HDAC9: variants seen among roughly 807,000 people sequenced by gnomAD.
HDAC9 encodes the protein histone deacetylase 9, also known as MEF-2 interacting transcription repressor (MITR) protein.
Under a neutral mutation model 139.4 loss-of-function variants are expected in HDAC9, and 41 were observed. That is an observed-to-expected ratio of 0.29 (90% CI 0.23 to 0.38). The LOEUF (loss-of-function observed/expected upper bound fraction) is 0.38, where lower values mean the gene tolerates loss of function less well. Among genes scored for constraint, HDAC9 ranks in the 10% least tolerant of loss-of-function variants. The pLI is 1.00. For synonymous variants in HDAC9, 517 were observed against 476.2 expected (o/e 1.09, Z -1.12); for missense variants, 1,147 against 1,297.0 (o/e 0.88, Z 1.78).
rs911315346 is a variant in HDAC9 at position 18,578,975 on chromosome 7, T to C, written c.23-6306T>C. The stretch of plus-strand genomic sequence containing the variant: ...TATTGCTATAGGAAGTTATTCCTTA[T>C]TGATTTTGATTTGCTGAAAAAGTAC... On this transcript the variant is annotated intron_variant, in intron 2 of 25. Transcript: ENST00000686413. 1.2e-4 allele frequency among the ~76,000 whole-genome samples: 19 copies of C among 152,208 alleles called. 1 individual carries two copies. The highest frequency in any genetic ancestry group is 4.6e-4 in the African/African-American group (19 of 41,440).
chr7:18,184,849 A>T lies in HDAC9; in HGVS notation c.25+22500A>T, dbSNP rs542302658. On this transcript the variant is annotated intron_variant, in intron 2 of 12. Coordinates refer to the HDAC9 transcript ENST00000417496. ...TAGTACTGTATTTTTGTGCTATTGT[A>T]TCAGAGTCACATTTTTATTAAAATT... Among the ~76,000 whole-genome samples the T allele has an allele frequency of 2.0e-4, 31 of 152,340 alleles. No individual in the cohort carries two copies. The South Asian group carries it at 6.4e-3, about 32-fold the overall frequency.
chr7:18,451,277 G>GT (rs367945669), intron 1 of HDAC9, among the ~76,000 whole-genome samples: 2 of 152,018 alleles, frequency 1.3e-5, no homozygotes, highest in African/African-American at 4.8e-5. Context: ...CCCCAGAACT[G>GT]TGAGAAGTAA....
chr7:18,136,978 C>G (rs1247179842), intron 1 of HDAC9, among the ~76,000 whole-genome samples: 3 of 142,388 alleles, frequency 2.1e-5, no homozygotes, highest in African/African-American at 7.9e-5. Flanking sequence ...CTTTTATTTC[C>G]TTGAGCAGTG....
chr7:18,538,150 T>C (rs184973345), intron 2 of HDAC9, among the ~76,000 whole-genome samples: 1 of 152,306 alleles, frequency 6.6e-6, no homozygotes, highest in East Asian at 1.9e-4. Flanking sequence ...CCTGAATTCA[T>C]TTTCTGGTCA....
chr7:18,922,311 T>C (rs1803828806), intron 22 of HDAC9, among the ~76,000 whole-genome samples: 1 of 152,084 alleles, frequency 6.6e-6, no homozygotes, highest in African/African-American at 2.4e-5. Context: ...TTAAATTCTA[T>C]ATGTTTTCTA....
At chr7:18,606,886 G>C (rs1039049689) in intron 6 of HDAC9, among the ~76,000 whole-genome samples, 1 of 152,090 alleles carries the variant, frequency 6.6e-6, no homozygotes, top group Admixed American at 6.5e-5. Flanking sequence ...GCTTTCTGGT[G>C]GCAGGGAGTT....
intron 1 of HDAC9, among the ~76,000 whole-genome samples, chr7:18,471,902 C>A (rs185959619): frequency 1.3e-4 from 20 of 151,948 alleles, no homozygotes; most frequent in Non-Finnish European, 2.4e-4. Flanking sequence ...GATTTTGGTG[C>A]CTTTAAGAAA....
chr7:18,280,934 G>A (rs1797066355), intron 2 of HDAC9, among the ~76,000 whole-genome samples: 1 of 152,106 alleles, frequency 6.6e-6, no homozygotes, highest in Admixed American at 6.6e-5. Context: ...TTCGCTTAAT[G>A]TTATCTTTTC....
At chr7:18,504,256 C>G (rs1220069006) in intron 2 of HDAC9, among the ~76,000 whole-genome samples, 2 of 152,166 alleles carry the variant, frequency 1.3e-5, no homozygotes, top group Non-Finnish European at 2.9e-5. Flanking sequence ...TTTTTTCTGT[C>G]ATACTCCTCT....
chr7:18,939,202 T>G (rs1207095919), intron 23 of HDAC9, among the ~76,000 whole-genome samples: 1 of 152,030 alleles, frequency 6.6e-6, no homozygotes, highest in Non-Finnish European at 1.5e-5. Context: ...GGAAGGGAGG[T>G]TTAAATAATG....
intron 2 of HDAC9, among the ~76,000 whole-genome samples, chr7:18,184,842 C>A (rs1215938410): frequency 1.3e-5 from 2 of 152,128 alleles, no homozygotes; most frequent in African/African-American, 4.8e-5. Context: ...TATTTTTGTG[C>A]TATTGTATCA....
intron 22 of HDAC9, among the ~76,000 whole-genome samples, chr7:18,894,346 G>T (rs577962087): frequency 6.6e-6 from 1 of 152,118 alleles, no homozygotes; most frequent in African/African-American, 2.4e-5. Context: ...GGAGCCATGA[G>T]GGGGAGCCAT....
chr7:18,197,975 A>G (rs533135738), intron 2 of HDAC9, among the ~76,000 whole-genome samples: 2 of 152,280 alleles, frequency 1.3e-5, no homozygotes, highest in South Asian at 4.1e-4. Flanking sequence ...TGGATTAAGA[A>G]TTTGTAGGAT....
At chr7:18,185,487 TA>T (rs1355457956) in intron 2 of HDAC9, among the ~76,000 whole-genome samples, 1 of 152,236 alleles carries the variant, frequency 6.6e-6, no homozygotes, top group African/African-American at 2.4e-5. Context: ...ATGTCCTTTC[TA>T]AAAGAGGAAA....
chr7:18,610,963 T>C (rs1189888794), intron 6 of HDAC9, among the ~76,000 whole-genome samples: 1 of 152,188 alleles, frequency 6.6e-6, no homozygotes, highest in Non-Finnish European at 1.5e-5. Flanking sequence ...TTCTTTCCTA[T>C]TACATTCTTT....
At chr7:18,509,540 T>G (rs1294532447) in intron 2 of HDAC9, 1 of 728,018 alleles carries the variant, frequency 1.4e-6, no homozygotes, top group African/African-American at 1.9e-5. Context: ...ATGAGGCTGC[T>G]TGTTTATCTG....
At chr7:18,416,037 T>C (rs1789026691) in intron 1 of HDAC9, among the ~76,000 whole-genome samples, 1 of 152,196 alleles carries the variant, frequency 6.6e-6, no homozygotes, top group Non-Finnish European at 1.5e-5. Context: ...CTCACGCCTG[T>C]AATCCCAAAA....
At chr7:18,643,378 T>A (rs529234889) in intron 8 of HDAC9, among the ~76,000 whole-genome samples, 1 of 152,176 alleles carries the variant, frequency 6.6e-6, no homozygotes, top group African/African-American at 2.4e-5. Context: ...TTGGTTTTCA[T>A]GCACAAATAT....
intron 23 of HDAC9, among the ~76,000 whole-genome samples, chr7:18,942,419 T>C (rs957092578): frequency 5.3e-5 from 8 of 151,940 alleles, no homozygotes; most frequent in Non-Finnish European, 1.2e-4. Context: ...TAAAAGTATA[T>C]ACTGGGGCTG....
Sources: gnomAD v4.1 joint callset for allele counts (sites outside exome capture counted in the v4.1 genomes callset) on GRCh38, gnomAD v4.1.1 for gene constraint, MANE v1.5 for transcripts, NCBI Gene and HGNC (gene_info 2026-07-23, HGNC 2026-07-21) for gene names.